Variants in GMDS observed in about 807,000 individuals in gnomAD.
GMDS encodes GDP-mannose 4,6-dehydratase, also known as GDP-mannose 4,6 dehydratase.
In GMDS, 20 loss-of-function variants were observed where a neutral mutation model predicts 49.9. The observed-to-expected ratio is 0.40, with a 90% CI of 0.28 to 0.58. The LOEUF (loss-of-function observed/expected upper bound fraction) is 0.58, where lower values mean the gene tolerates loss of function less well. Among genes scored for constraint, GMDS ranks in the 20% least tolerant of loss-of-function variants. GMDS has a pLI of 0.42. For synonymous variants in GMDS, 177 were observed against 178.6 expected, an observed-to-expected ratio of 0.99 and a Z score of 0.07; for missense variants, 362 against 481.4, an observed-to-expected ratio of 0.75 and a Z score of 2.32.
At chr6:2,063,056 T>C (rs1771285994) in intron 4 of GMDS, among the ~76,000 whole-genome samples, 1 of 152,232 alleles carries the variant, frequency 6.6e-6, no homozygotes, top group African/African-American at 2.4e-5. Context: ...GAGCCAGAGA[T>C]ACAAATTGTG....
chr6:1,911,616 G>A (rs1036706448), intron 7 of GMDS, among the ~76,000 whole-genome samples: 1 of 151,566 alleles, frequency 6.6e-6, no homozygotes, highest in Non-Finnish European at 1.5e-5. Flanking sequence ...AGTATGATAT[G>A]CCTTCCACGC....
chr6:1,666,451 C>T (rs1431803471), intron 9 of GMDS, among the ~76,000 whole-genome samples: 1 of 152,160 alleles, frequency 6.6e-6, no homozygotes, highest in Non-Finnish European at 1.5e-5. Flanking sequence ...CCTAGTTACA[C>T]CAGGGAGGTA....
At chr6:2,044,548 A>C (rs974586383) in intron 4 of GMDS, among the ~76,000 whole-genome samples, 1 of 152,136 alleles carries the variant, frequency 6.6e-6, no homozygotes, top group Admixed American at 6.6e-5. Flanking sequence ...AACAACAGAC[A>C]CTGGGGCTTC....
chr6:2,211,889 T>G (rs1348555245), intron 1 of GMDS, among the ~76,000 whole-genome samples: 2 of 152,212 alleles, frequency 1.3e-5, no homozygotes, highest in Non-Finnish European at 2.9e-5. Context: ...TTGTAAGACA[T>G]TATACATAAA....
At chr6:2,146,820 AT>A (rs914652773) in intron 1 of GMDS, among the ~76,000 whole-genome samples, 1 of 152,174 alleles carries the variant, frequency 6.6e-6, no homozygotes, top group Non-Finnish European at 1.5e-5. Flanking sequence ...ACACAAAGTA[AT>A]TTTTCCCCCT....
intron 9 of GMDS, among the ~76,000 whole-genome samples, chr6:1,668,408 A>G (rs1764301937): frequency 6.6e-6 from 1 of 152,216 alleles, no homozygotes; most frequent in Non-Finnish European, 1.5e-5. Context: ...AGAAAATGTA[A>G]TATTTTAAGA....
intron 4 of GMDS, among the ~76,000 whole-genome samples, chr6:2,083,226 T>C (rs1772817574): frequency 6.6e-6 from 1 of 152,156 alleles, no homozygotes; most frequent in Admixed American, 6.5e-5. Context: ...GTCGAGCACT[T>C]AGTAAACGCT....
At chr6:1,862,793 T>C (rs1561851916) in intron 7 of GMDS, among the ~76,000 whole-genome samples, 1 of 152,174 alleles carries the variant, frequency 6.6e-6, no homozygotes, top group Non-Finnish European at 1.5e-5. Context: ...AATAAAATAA[T>C]GGGGATAACA....
chr6:1,630,796 C>T (rs529716834), intron 9 of GMDS, among the ~76,000 whole-genome samples: 5 of 152,126 alleles, frequency 3.3e-5, no homozygotes, highest in Non-Finnish European at 7.3e-5. Flanking sequence ...TAGCATCAGC[C>T]TGGGGAAAGC....
Position 1,624,056 on chromosome 6 carries a change from G to C in GMDS, c.*113C>G, listed in dbSNP as rs1157903129. Reference sequence around the variant, plus strand: ...GGCCGGGACAGCGCAGCGGCAGCAGGGGCCGCAGGGGACCCGCAGATTGGC... The same window carrying C: ...GGCCGGGACAGCGCAGCGGCAGCAGCGGCCGCAGGGGACCCGCAGATTGGC... On this transcript the variant is annotated 3_prime_UTR_variant, in exon 11 of 11. Coordinates refer to ENST00000380815, the MANE Select transcript of GMDS (RefSeq NM_001500.4). 4.4e-6 allele frequency: 4 copies of C among 910,446 alleles called. No individual in the cohort carries two copies. In the African/African-American group the frequency reaches 6.5e-5, roughly 15 times the overall value. 56.4% of individuals were successfully genotyped at this position (910,446 alleles called of 1,614,324 possible).
At chr6:1,723,296 C>CCT (rs1766451205) in intron 9 of GMDS, among the ~76,000 whole-genome samples, 2 of 44,994 alleles carry the variant, frequency 4.4e-5, no homozygotes, top group East Asian at 0.013. Context: ...CCTGATGTGT[C>CCT]CTATTTTTTT....
intron 7 of GMDS, among the ~76,000 whole-genome samples, chr6:1,919,361 C>T (rs1761595491): frequency 6.6e-6 from 1 of 152,202 alleles, no homozygotes; most frequent in South Asian, 2.1e-4. Context: ...CTTAGGGAAG[C>T]TATCCTATGG....
intron 9 of GMDS, among the ~76,000 whole-genome samples, chr6:1,720,655 C>T (rs1309961061): frequency 3.9e-5 from 6 of 152,270 alleles, no homozygotes; most frequent in East Asian, 1.9e-4. Flanking sequence ...CGAGTAGTCT[C>T]GCCTCTCTTT....
At chr6:2,154,905 C>T (rs1219215757) in intron 1 of GMDS, among the ~76,000 whole-genome samples, 2 of 143,768 alleles carry the variant, frequency 1.4e-5, no homozygotes, top group East Asian at 4.0e-4. Flanking sequence ...CCAATCTATT[C>T]CAAGAATAAT....
At chr6:1,744,275 T>C (rs940832974) in intron 7 of GMDS, among the ~76,000 whole-genome samples, 6 of 152,206 alleles carry the variant, frequency 3.9e-5, no homozygotes, top group Admixed American at 3.3e-4. Context: ...AGATGTGGCA[T>C]GCTGGTTGGG....
chr6:1,889,468 A>G (rs1206697533), intron 7 of GMDS, among the ~76,000 whole-genome samples: 1 of 151,830 alleles, frequency 6.6e-6, no homozygotes, highest in East Asian at 1.9e-4. Flanking sequence ...CTCCCTCCAC[A>G]TTCTCCCTGG....
intron 7 of GMDS, among the ~76,000 whole-genome samples, chr6:1,852,185 G>A (rs547795763): frequency 2.0e-5 from 3 of 152,350 alleles, no homozygotes; most frequent in African/African-American, 7.2e-5. Flanking sequence ...TGTTGGTGCA[G>A]TAGCAGCAGA....
Position 2,055,499 on chromosome 6 carries a change from A to T in GMDS, c.345+60272T>A, listed in dbSNP as rs895672574. ...TTCCTACTTACTATCATGTCTGGCC[A>T]TGATGCTTCTGGTATTTGTACAGTC... On this transcript the variant is annotated intron_variant, in intron 4 of 10. Transcript: ENST00000380815. 5.9e-5 allele frequency among the ~76,000 whole-genome samples: 9 copies of T among 152,160 alleles called. No individual in the cohort carries two copies. In the South Asian group the frequency reaches 6.2e-4, roughly 10 times the overall value.
At chr6:1,873,610 G>A (rs1393021610) in intron 7 of GMDS, among the ~76,000 whole-genome samples, 1 of 152,186 alleles carries the variant, frequency 6.6e-6, no homozygotes, top group Non-Finnish European at 1.5e-5. Flanking sequence ...CACTAAGACT[G>A]AAGGACTGAA....
Sources: allele counts gnomAD v4.1 joint callset (sites outside exome capture counted in the v4.1 genomes callset), GRCh38; gene constraint gnomAD v4.1.1; transcripts MANE v1.5; gene names NCBI Gene and HGNC (gene_info 2026-07-23, HGNC 2026-07-21).